Variants in ATP8A2 observed in about 807,000 individuals in gnomAD.
ATP8A2 encodes phospholipid-transporting ATPase IB.
Under a neutral mutation model 165.6 loss-of-function variants are expected in ATP8A2, and 100 were observed. The observed-to-expected ratio is 0.60, with a 90% CI of 0.51 to 0.71. The LOEUF (loss-of-function observed/expected upper bound fraction) is 0.71, where lower values mean the gene tolerates loss of function less well. ATP8A2 is among the 30% of genes least tolerant of loss of function. The probability of loss-of-function intolerance (pLI) is 0.00; values close to 1 mark genes in which losing one functional copy is unlikely to be tolerated. For missense variants in ATP8A2, 1,227 were observed against 1,479.5 expected, an observed-to-expected ratio of 0.83 and a Z score of 2.80; for synonymous variants, 543 against 548.8, an observed-to-expected ratio of 0.99 and a Z score of 0.15.
intron 24 of ATP8A2, among the ~76,000 whole-genome samples, chr13:25,593,148 C>T (rs767339581): frequency 5.3e-5 from 8 of 152,024 alleles, no homozygotes; most frequent in Non-Finnish European, 1.0e-4. Context: ...AGCGTCCTAG[C>T]GCAATAAAGT....
intron 25 of ATP8A2, among the ~76,000 whole-genome samples, chr13:25,744,495 G>A (rs1307327971): frequency 6.6e-6 from 1 of 152,208 alleles, no homozygotes; most frequent in African/African-American, 2.4e-5. Context: ...AAAGCGGGGG[G>A]AGGGGAGAAC....
intron 25 of ATP8A2, among the ~76,000 whole-genome samples, chr13:25,741,980 A>G (rs778279367): frequency 1.3e-5 from 2 of 152,226 alleles, no homozygotes; most frequent in Non-Finnish European, 2.9e-5. Context: ...AACCTTCCTT[A>G]CAGGTACAGT....
At chr13:25,702,297 T>C (rs572048751) in intron 25 of ATP8A2, among the ~76,000 whole-genome samples, 1 of 152,326 alleles carries the variant, frequency 6.6e-6, no homozygotes, top group South Asian at 2.1e-4. Context: ...AATAAATACC[T>C]TTAAACTAAA....
chr13:25,504,597 G>A (rs1380986529), intron 2 of ATP8A2, among the ~76,000 whole-genome samples: 22 of 148,152 alleles, frequency 1.5e-4, no homozygotes, highest in African/African-American at 4.7e-4. Context: ...AAAATTAGCC[G>A]GGCGTGGTGG....
At chr13:25,469,758 T>C (rs996713223) in intron 2 of ATP8A2, among the ~76,000 whole-genome samples, 7 of 152,222 alleles carry the variant, frequency 4.6e-5, no homozygotes, top group Non-Finnish European at 7.3e-5. Flanking sequence ...ATAAAGATGC[T>C]AAATAATGTA....
chr13:25,857,570 C>CTTTTT (rs71080207), intron 30 of ATP8A2, among the ~76,000 whole-genome samples: 2 of 91,582 alleles, frequency 2.2e-5, no homozygotes, highest in Non-Finnish European at 4.2e-5. Flanking sequence ...CTTTTTTTTC[C>CTTTTT]TTTTTTTTTT....
intron 25 of ATP8A2, among the ~76,000 whole-genome samples, chr13:25,719,510 AAGAT>A (rs1400345780): frequency 6.6e-6 from 1 of 151,958 alleles, no homozygotes; most frequent in Non-Finnish European, 1.5e-5. Context: ...GGAGATAGAT[AAGAT>A]AGATAGATAC....
At chr13:25,641,910 C>A (rs1481218112) in intron 24 of ATP8A2, among the ~76,000 whole-genome samples, 2 of 152,030 alleles carry the variant, frequency 1.3e-5, no homozygotes, top group Non-Finnish European at 2.9e-5. Context: ...GAGATATCGA[C>A]CAATGGAACA....
intron 2 of ATP8A2, among the ~76,000 whole-genome samples, chr13:25,521,919 T>G (rs1167074901): frequency 6.6e-6 from 1 of 152,228 alleles, no homozygotes; most frequent in Non-Finnish European, 1.5e-5. Flanking sequence ...GCCTCCAGCT[T>G]TGTTCTTTTT....
At chr13:25,859,472 G>A (rs1354921845) in intron 30 of ATP8A2, among the ~76,000 whole-genome samples, 10 of 151,796 alleles carry the variant, frequency 6.6e-5, no homozygotes, top group Admixed American at 2.0e-4. Flanking sequence ...ATAAAAAACA[G>A]ACTTCTCTGT....
At chr13:25,921,776 T>G (rs189344546) in intron 33 of ATP8A2, among the ~76,000 whole-genome samples, 111 of 152,354 alleles carry the variant, frequency 7.3e-4, no homozygotes, top group African/African-American at 2.5e-3. Flanking sequence ...TGTAGAACCG[T>G]ATAATATTTA....
chr13:25,465,711 C>CTTTCTTTCTTTCTTTCTTTCTTTCTTTCT (rs2035631499), intron 1 of ATP8A2, among the ~76,000 whole-genome samples: 2 of 21,378 alleles, frequency 9.4e-5, no homozygotes, highest in African/African-American at 1.3e-4. Context: ...TTCTTTCTTT[C>CTTTCTTTCTTTCTTTCTTTCTTTCTTTCT]TTTCTTTCTT....
intron 3 of ATP8A2, among the ~76,000 whole-genome samples, chr13:25,530,331 G>A (rs1370950265): frequency 6.6e-6 from 1 of 152,174 alleles, no homozygotes; most frequent in East Asian, 1.9e-4. Flanking sequence ...AGTGGCCTTA[G>A]GGCCATACTT....
chr13:25,906,693 A>G (rs1280984375), intron 33 of ATP8A2, among the ~76,000 whole-genome samples: 1 of 152,086 alleles, frequency 6.6e-6, no homozygotes, highest in African/African-American at 2.4e-5. Flanking sequence ...TATTGAGATG[A>G]CAGAATGAGA....
At chr13:25,756,663 T>G (rs1025837256) in intron 25 of ATP8A2, among the ~76,000 whole-genome samples, 2 of 152,336 alleles carry the variant, frequency 1.3e-5, no homozygotes, top group African/African-American at 4.8e-5. Context: ...TTTTCTTACC[T>G]GTAAAATGGA....
At chr13:26,015,206 A>C (rs1956941448) in intron 36 of ATP8A2, among the ~76,000 whole-genome samples, 1 of 152,222 alleles carries the variant, frequency 6.6e-6, no homozygotes, top group Non-Finnish European at 1.5e-5. Context: ...TTAAACATTC[A>C]GTGACTAGTA....
At chr13:25,382,972 G>A (rs370290621) in intron 1 of ATP8A2, among the ~76,000 whole-genome samples, 299 of 151,486 alleles carry the variant, frequency 2.0e-3, no homozygotes, top group African/African-American at 6.9e-3. Flanking sequence ...AGCCAGGATG[G>A]TCTCCATCTC....
chr13:25,724,610 C>A (rs939586595), intron 25 of ATP8A2, among the ~76,000 whole-genome samples: 1 of 152,210 alleles, frequency 6.6e-6, no homozygotes, highest in Non-Finnish European at 1.5e-5. Flanking sequence ...CATATTATTT[C>A]TCCATTTTAA....
At chr13:25,968,463 TCGGCCTC>T in intron 34 of ATP8A2, 105 bp from the exon 35 acceptor site, 1 of 876,106 alleles carries the variant, frequency 1.1e-6, no homozygotes, top group Non-Finnish European at 1.8e-6. Flanking sequence ...TTCCCGAGCC[TCGGCCTC>T]CACCAAAGGG....
Sources: gnomAD v4.1 joint callset for allele counts (sites outside exome capture counted in the v4.1 genomes callset) on GRCh38, gnomAD v4.1.1 for gene constraint, MANE v1.5 for transcripts, NCBI Gene and HGNC (gene_info 2026-07-23, HGNC 2026-07-21) for gene names.